CPAMD8: variants seen among roughly 807,000 people sequenced by gnomAD.
The protein encoded by CPAMD8 is C3 and PZP-like alpha-2-macroglobulin domain-containing protein 8.
In CPAMD8, 146 loss-of-function variants were observed where a neutral mutation model predicts 224.7. The observed-to-expected ratio is 0.65, with a 90% CI of 0.57 to 0.75. The LOEUF is 0.75. Ranked by LOEUF, CPAMD8 falls within the 30% of genes least tolerant of loss-of-function variation. The pLI, the probability that CPAMD8 is intolerant of heterozygous loss-of-function variation, is 0.00. For synonymous variants in CPAMD8, 966 were observed against 1,044.6 expected, an observed-to-expected ratio of 0.92 and a Z score of 1.45; for missense variants, 2,301 against 2,537.5, an observed-to-expected ratio of 0.91 and a Z score of 2.00.
intron 2 of CPAMD8, among the ~76,000 whole-genome samples, chr19:17,020,991 CT>C (rs1191691130): frequency 2.0e-5 from 3 of 152,284 alleles, no homozygotes; most frequent in African/African-American, 4.8e-5. Flanking sequence ...GGCCTTCCCC[CT>C]GGTCACAGTG....
chr19:16,975,974 A>G (rs750430224), intron 16 of CPAMD8, 28 bp downstream of exon 16: 1 of 1,535,376 alleles, frequency 6.5e-7, no homozygotes, highest in South Asian at 1.2e-5. Flanking sequence ...GTGGAGGTCT[A>G]GAACCCAAGC....
In CPAMD8 at chr19:16,903,660, C is replaced by G. The variant is rs369782880; in HGVS notation, c.4408-37G>C. 19 of 1,614,036 alleles carry G rather than the reference C, an allele frequency of 1.2e-5. No individual in the cohort carries two copies. The African/African-American group carries it at 2.0e-4, about 17-fold the overall frequency. On this transcript the variant is annotated intron_variant, in intron 33 of 41. Coordinates refer to ENST00000443236, the MANE Select transcript of CPAMD8 (RefSeq NM_015692.5). ...AGTCACCGTGAGGCCCTGCTGACCC[C>G]TCCTCCAACAACCCCCAAACCCTCA...
At position 16,896,481 on chromosome 19, in the gene CPAMD8, G is replaced by A. The variant is rs1243699844; in HGVS notation, c.5250C>T (p.Pro1750=). Residue 1750 remains proline, a synonymous_variant, in exon 40 of 42, where the codon CCC becomes CCT. Coordinates refer to ENST00000443236, the MANE Select transcript of CPAMD8 (RefSeq NM_015692.5). ...AACRQAAPLE[P]APPSCCALEQ... ...CGAGGGCGCAGCAGCTGGGAGGCGCGGGCTCCAGGGGCGCGGCCTGGCGGC... is the reference window on the plus strand; with the variant it reads ...CGAGGGCGCAGCAGCTGGGAGGCGCAGGCTCCAGGGGCGCGGCCTGGCGGC... 1.4e-6 allele frequency: 2 copies of A among 1,431,388 alleles called. No individual in the cohort carries two copies. The highest frequency in any genetic ancestry group is 5.2e-5 in the East Asian group (2 of 38,376). The allele number at this position is 1,431,388 out of a possible 1,614,324, so 88.7% of individuals were successfully genotyped here.
intron 35 of CPAMD8, 55 bp from the exon 36 acceptor site, chr19:16,901,352 T>C: frequency 2.4e-6 from 3 of 1,224,932 alleles, no homozygotes; most frequent in South Asian, 1.3e-5. Flanking sequence ...AGAGGTGGAA[T>C]TCAAGGTCCC....
At chr19:16,971,584 C>T (rs2055064727) in intron 17 of CPAMD8, among the ~76,000 whole-genome samples, 1 of 151,912 alleles carries the variant, frequency 6.6e-6, no homozygotes, top group Non-Finnish European at 1.5e-5. Flanking sequence ...CTGCCAGGGG[C>T]TGAGGGAGGG....
At chr19:16,990,067 C>T (rs544485761) in intron 12 of CPAMD8, among the ~76,000 whole-genome samples, 74 of 151,772 alleles carry the variant, frequency 4.9e-4, no homozygotes, top group Admixed American at 1.2e-3. Flanking sequence ...GCCTGGCCAA[C>T]ATGGAGAAAC....
At position 16,971,026 on chromosome 19, in the gene CPAMD8, C is replaced by A; in HGVS notation, c.2078G>T (p.Gly693Val). Reference protein sequence around the residue: ...KDSGFAFTETGLVVMTDRVSL... With the variant: ...KDSGFAFTETVLVVMTDRVSL... ...CACTCGGTCGGTCATCACCACCAGTCCCGTTTCCTAGGCAACAGACAACAC... is the reference window on the plus strand; with the variant it reads ...CACTCGGTCGGTCATCACCACCAGTACCGTTTCCTAGGCAACAGACAACAC... Residue 693 changes from glycine (G) to valine (V), a missense_variant, in exon 18 of 42, where the codon GGA becomes GTA. Physicochemically the swap from Gly to Val is moderately radical, Grantham distance 109. Coordinates refer to ENST00000443236, the MANE Select transcript of CPAMD8 (RefSeq NM_015692.5). The A allele has an allele frequency of 6.2e-7, 1 of 1,602,028 alleles. No homozygotes were observed. Among genetic ancestry groups the A allele is most frequent in the Non-Finnish European group, 8.5e-7 (1 of 1,174,152 alleles).
intron 3 of CPAMD8, 145 bp downstream of exon 3, chr19:17,020,186 C>G (rs2056918658): frequency 1.5e-6 from 1 of 663,516 alleles, no homozygotes; most frequent in Non-Finnish European, 2.8e-6. Context: ...GTTGCCCAGG[C>G]TGATCTCGAA....
In CPAMD8 at chr19:16,974,256, C is replaced by T. The variant is rs558233441; in HGVS notation, c.2070+841G>A. Reference sequence around the variant, plus strand: ...ACGCCATTCTCCTGCCTCAGCCTCCCGAGTAGCTGGGACTACAGGCGCCCC... The same window carrying T: ...ACGCCATTCTCCTGCCTCAGCCTCCTGAGTAGCTGGGACTACAGGCGCCCC... On this transcript the variant is annotated intron_variant, in intron 17 of 41. Coordinates refer to ENST00000443236, the MANE Select transcript of CPAMD8 (RefSeq NM_015692.5). Among the ~76,000 whole-genome samples the T allele has an allele frequency of 2.2e-3, 333 of 152,164 alleles. 3 individuals are homozygous for T. The highest frequency in any genetic ancestry group is 7.6e-3 in the African/African-American group (317 of 41,528).
intron 18 of CPAMD8, among the ~76,000 whole-genome samples, 165 bp from the exon 19 acceptor site, chr19:16,958,080 C>G (rs1408266517): frequency 6.6e-6 from 1 of 151,882 alleles, no homozygotes; most frequent in Non-Finnish European, 1.5e-5. Context: ...AATTCTCTTA[C>G]CTGGCAGGGT....
chr19:16,907,359 G>A (rs1218488801), intron 29 of CPAMD8: 1 of 306,624 alleles, frequency 3.3e-6, no homozygotes, highest in African/African-American at 2.8e-5. Flanking sequence ...TGTAATCCCA[G>A]CACTTTGGGA....
rs994154924 is a variant in CPAMD8, at chr19:16,899,703, G to A, written c.4774-154C>T. 1.3e-5 allele frequency among the ~76,000 whole-genome samples: 2 copies of A among 152,114 alleles called. No homozygotes were observed. The highest frequency in any genetic ancestry group is 4.8e-5 in the African/African-American group (2 of 41,416). On this transcript the variant is annotated intron_variant, in intron 36 of 41. Transcript: ENST00000443236. This position sits in a 1 kb window ranked among gnomAD's most constrained non-coding sequence, Gnocchi z 5.4. ...GGTCAGTGCTCCCCAGGCCCTGCCA[G>A]CCTCTCAGCACCCAGGAGAGGACGC...
chr19:16,957,199 C>A (rs972458138), intron 19 of CPAMD8, among the ~76,000 whole-genome samples: 1 of 152,184 alleles, frequency 6.6e-6, no homozygotes, highest in African/African-American at 2.4e-5. Flanking sequence ...CTGGCTCTGC[C>A]AAGCACTTGC....
At chr19:16,961,083 C>T (rs2054636984) in intron 18 of CPAMD8, among the ~76,000 whole-genome samples, 1 of 152,070 alleles carries the variant, frequency 6.6e-6, no homozygotes, top group South Asian at 2.1e-4. Context: ...CAGTCTGTAG[C>T]TCCCAGTGTG....
chr19:17,004,459 G>A, intron 7 of CPAMD8, 73 bp from the exon 8 acceptor site: 1 of 956,878 alleles, frequency 1.0e-6, no homozygotes. Flanking sequence ...GAGGGAGCCA[G>A]GACCCTGCTC....
Position 16,896,477 on chromosome 19 carries a change from G to A in CPAMD8, c.5254C>T (p.Pro1752Ser). The change falls in exon 40 of 42, where the codon CCT becomes TCT. Residue 1752 changes from proline to serine, a missense_variant. Pro to Ser is a moderately conservative substitution (Grantham distance 74, BLOSUM62 -1). Transcript: ENST00000443236. ...TCACCGAGGGCGCAGCAGCTGGGAG[G>A]CGCGGGCTCCAGGGGCGCGGCCTGG... ...CRQAAPLEPA[P>S]PSCCALEQRL... is the part of the protein sequence containing the mutation. The A allele has an allele frequency of 6.9e-7, 1 of 1,442,802 alleles. No individual in the cohort carries two copies. Among genetic ancestry groups the A allele is most frequent in the Non-Finnish European group, 9.0e-7 (1 of 1,106,580 alleles). The allele number at this position is 1,442,802 out of a possible 1,614,324, so 89.4% of individuals were successfully genotyped here.
At chr19:16,985,838 AGATGGAGGGTG>A in intron 13 of CPAMD8, among the ~76,000 whole-genome samples, 1 of 151,532 alleles carries the variant, frequency 6.6e-6, no homozygotes, top group Admixed American at 6.6e-5. Context: ...ATGGAGAGAG[AGATGGAGGGTG>A]GATGGAGGGA....
rs1568459419 is a variant in CPAMD8, at chr19:16,906,378, CTTTCTTTCT to C, written c.4027+565_4027+573del. Among the ~76,000 whole-genome samples the C allele has an allele frequency of 2.0e-3, 144 of 71,654 alleles. 1 individual carries two copies. Among genetic ancestry groups the C allele is most frequent in the Middle Eastern group, 7.6e-3 (1 of 132 alleles). 47.0% of individuals were successfully genotyped at this position (71,654 alleles called of 152,430 possible). On this transcript the variant is annotated intron_variant, in intron 30 of 41. Transcript: ENST00000443236. ...TCTTTCTTTCTTTCTTTCTTTCTTTCTTTCTTTCTTTCTTTCTTTCTTTCTTTCTTTCCT... is the reference window on the plus strand; with the variant it reads ...TCTTTCTTTCTTTCTTTCTTTCTTTCTTCTTTCTTTCTTTCTTTCTTTCCT...
intron 39 of CPAMD8, chr19:16,897,349 G>C (rs1360194454): frequency 1.9e-5 from 2 of 107,494 alleles, no homozygotes; most frequent in African/African-American, 1.1e-4. Context: ...GCTCGACCCC[G>C]CCCTCACCAC....
Sources: allele counts gnomAD v4.1 joint callset (sites outside exome capture counted in the v4.1 genomes callset), GRCh38; gene constraint gnomAD v4.1.1; non-coding constraint Gnocchi (gnomAD v3.1); transcripts MANE v1.5; gene names NCBI Gene and HGNC (gene_info 2026-07-23, HGNC 2026-07-21).